Variants in DTWD2 observed in about 807,000 individuals in gnomAD.
The protein encoded by DTWD2 is tRNA-uridine aminocarboxypropyltransferase 2.
A neutral mutation model predicts 31.8 loss-of-function variants in DTWD2; 39 were observed. That is an observed-to-expected ratio of 1.22 (90% CI 0.95 to 1.60). The LOEUF is 1.60. Ranked by LOEUF, DTWD2 falls within the 40% of genes most tolerant of loss-of-function variation. The pLI is 0.00. For synonymous variants in DTWD2, 180 were observed against 142.8 expected, an observed-to-expected ratio of 1.26 and a Z score of -1.86; for missense variants, 515 against 381.5, an observed-to-expected ratio of 1.35 and a Z score of -2.92.
intron 1 of DTWD2, among the ~76,000 whole-genome samples, chr5:118,964,386 G>A (rs1239889333): frequency 6.6e-6 from 1 of 151,852 alleles, no homozygotes; most frequent in Admixed American, 6.6e-5. Flanking sequence ...CCTCTACTTT[G>A]CCCTCTCCCT....
Position 118,856,846 on chromosome 5 carries a change from C to A in DTWD2, c.598-8628G>T, listed in dbSNP as rs562434009. ...GGAGTACAATGGCGCAATCTCAGCT[C>A]ACTGCAACCTCTGCCTCCTGGGCTC... On this transcript the variant is annotated intron_variant, in intron 4 of 5. Coordinates refer to ENST00000510708, the MANE Select transcript of DTWD2 (RefSeq NM_173666.4). Among the ~76,000 whole-genome samples the A allele has an allele frequency of 1.1e-3, 153 of 134,792 alleles. 2 individuals carry two copies. Among genetic ancestry groups the A allele is most frequent in the African/African-American group, 4.0e-3 (145 of 36,690 alleles). The allele number at this position is 134,792 out of a possible 152,430, so 88.4% of individuals were successfully genotyped here. A position where few individuals can be genotyped will look rare whatever the true frequency, so the allele number is the denominator to read the frequency against.
At chr5:118,959,296 C>T (rs545573730) in intron 1 of DTWD2, among the ~76,000 whole-genome samples, 1 of 152,078 alleles carries the variant, frequency 6.6e-6, no homozygotes, top group Admixed American at 6.5e-5. Context: ...CATTTCTATA[C>T]ACCAATAATG....
At chr5:118,893,358 C>A (rs1753015549) in intron 4 of DTWD2, among the ~76,000 whole-genome samples, 1 of 118,052 alleles carries the variant, frequency 8.5e-6, no homozygotes, top group South Asian at 2.6e-4. Flanking sequence ...AAGACACAGT[C>A]TCAAAAAAAA....
At chr5:118,859,995 G>A (rs1752222926) in intron 4 of DTWD2, among the ~76,000 whole-genome samples, 2 of 152,044 alleles carry the variant, frequency 1.3e-5, no homozygotes, top group Non-Finnish European at 2.9e-5. Context: ...GCATGCACCT[G>A]CAGTCCCAGA....
chr5:118,870,082 C>A (rs555637191), intron 4 of DTWD2, among the ~76,000 whole-genome samples: 1 of 152,236 alleles, frequency 6.6e-6, no homozygotes, highest in South Asian at 2.1e-4. Flanking sequence ...CTGAAGCTTG[C>A]CCTCCCCAGA....
Position 118,966,420 on chromosome 5 carries a change from AG to A in DTWD2, c.219-21772del, listed in dbSNP as rs749065430. On this transcript the variant is annotated intron_variant, in intron 1 of 5. Coordinates refer to ENST00000510708, the MANE Select transcript of DTWD2 (RefSeq NM_173666.4). ...CTGAGTATACACCTCTTTTGTGTTC[AG>A]AAAAAATATATATTTTTAAGAAGCA... Among the ~76,000 whole-genome samples, 6 of 152,190 alleles carry A rather than the reference AG, an allele frequency of 3.9e-5. No homozygotes were observed. In the South Asian group the frequency reaches 1.2e-3, roughly 31 times the overall value.
rs1433238587 is a variant in DTWD2 at position 118,848,098 on chromosome 5, T to G, written c.718A>C (p.Ile240Leu). 1.9e-6 allele frequency: 3 copies of G among 1,572,450 alleles called. No individual in the cohort carries two copies. Among genetic ancestry groups the G allele is most frequent in the Admixed American group, 3.9e-5 (2 of 51,682 alleles). The change falls in exon 5 of 6, where the codon ATA (isoleucine) becomes CTA (leucine). Residue 240 changes from isoleucine to leucine, a missense_variant. By Grantham distance (5) the Ile-to-Leu change is conservative. Coordinates refer to ENST00000510708, the MANE Select transcript of DTWD2 (RefSeq NM_173666.4). Reference sequence around the variant, plus strand: ...ACCTTACAAAGACGTACCTCTTGTATGTAATTATTTTTCTCCAAGATGGAA... The same window carrying G: ...ACCTTACAAAGACGTACCTCTTGTAGGTAATTATTTTTCTCCAAGATGGAA... ...ALSILEKNNY[I>L]QETLLRPLQA...
chr5:118,879,301 G>A (rs922213085), intron 4 of DTWD2, among the ~76,000 whole-genome samples: 6 of 152,054 alleles, frequency 3.9e-5, no homozygotes, highest in East Asian at 3.8e-4. Context: ...GGAATATTAC[G>A]CAGCCATTAA....
intron 4 of DTWD2, among the ~76,000 whole-genome samples, chr5:118,903,626 T>C (rs756783205): frequency 3.9e-5 from 6 of 152,014 alleles, no homozygotes; most frequent in Non-Finnish European, 7.4e-5. Context: ...CTAGCTAACA[T>C]GTTAAGCAGA....
Position 118,920,089 on chromosome 5 carries a change from A to C in DTWD2, c.597+8448T>G, listed in dbSNP as rs1009521672. On this transcript the variant is annotated intron_variant, in intron 4 of 5. Transcript: ENST00000510708. ...CACCCCACCTCCAGTCCATGAAAAAAATTGTCTTCCACAGAACCTGTCCCT... is the reference window on the plus strand; with the variant it reads ...CACCCCACCTCCAGTCCATGAAAAACATTGTCTTCCACAGAACCTGTCCCT... Among the ~76,000 whole-genome samples the C allele has an allele frequency of 8.5e-5, 13 of 152,092 alleles. No homozygotes were observed. In the East Asian group the frequency reaches 2.1e-3, roughly 25 times the overall value.
chr5:118,913,568 T>C (rs997612951), intron 4 of DTWD2, among the ~76,000 whole-genome samples: 5 of 151,776 alleles, frequency 3.3e-5, no homozygotes, highest in Admixed American at 2.0e-4. Flanking sequence ...ATTTCACTTG[T>C]CACAAGAACA....
intron 4 of DTWD2, among the ~76,000 whole-genome samples, chr5:118,905,103 G>A (rs535679684): frequency 7.9e-5 from 12 of 152,186 alleles, no homozygotes; most frequent in African/African-American, 2.9e-4. Flanking sequence ...TACATGTGTG[G>A]ATATGTGTCT....
At chr5:118,973,921 A>G in intron 1 of DTWD2, 1 of 1,601,272 alleles carries the variant, frequency 6.2e-7, no homozygotes. Flanking sequence ...CTAATGAGGA[A>G]AATGGGGAGC....
At chr5:118,974,518 A>G in intron 1 of DTWD2, 1 of 453,166 alleles carries the variant, frequency 2.2e-6, no homozygotes, top group South Asian at 1.7e-5. Context: ...TGGTGTGACC[A>G]TGTTCATTAT....
intron 5 of DTWD2, among the ~76,000 whole-genome samples, chr5:118,842,751 G>A (rs1751747578): frequency 6.7e-6 from 1 of 149,132 alleles, no homozygotes; most frequent in Non-Finnish European, 1.5e-5. Flanking sequence ...CAGGCAACAT[G>A]GCAAGACCCT....
chr5:118,946,184 A>T (rs1360802497), intron 1 of DTWD2, among the ~76,000 whole-genome samples: 1 of 152,180 alleles, frequency 6.6e-6, no homozygotes, highest in Non-Finnish European at 1.5e-5. Context: ...TTCCAACCCC[A>T]CTGAACCTGG....
intron 4 of DTWD2, among the ~76,000 whole-genome samples, chr5:118,921,580 T>C (rs1580807468): frequency 6.6e-6 from 1 of 151,966 alleles, no homozygotes; most frequent in Non-Finnish European, 1.5e-5. Flanking sequence ...ATCACTGATT[T>C]GTTAGACCAT....
chr5:118,970,639 A>T (rs1159750932), intron 1 of DTWD2, among the ~76,000 whole-genome samples: 1 of 151,752 alleles, frequency 6.6e-6, no homozygotes, highest in African/African-American at 2.4e-5. Flanking sequence ...AATTCAGGGA[A>T]CCCCAGAAAG....
In DTWD2 at chr5:118,919,568, C is replaced by T. The variant is rs544662640; in HGVS notation, c.597+8969G>A. 3.3e-5 allele frequency among the ~76,000 whole-genome samples: 5 copies of T among 152,274 alleles called. No homozygotes were observed. In the South Asian group the frequency reaches 1.0e-3, roughly 32 times the overall value. ...CTATGCTCAAAAAATCATGAGTGTG[C>T]AGAAACATGAAAATATTCACAGACT... On this transcript the variant is annotated intron_variant, in intron 4 of 5. Coordinates refer to ENST00000510708, the MANE Select transcript of DTWD2 (RefSeq NM_173666.4).
Sources: allele counts gnomAD v4.1 joint callset (sites outside exome capture counted in the v4.1 genomes callset), GRCh38; gene constraint gnomAD v4.1.1; transcripts MANE v1.5; gene names NCBI Gene and HGNC (gene_info 2026-07-23, HGNC 2026-07-21).